Variants in FLT3 observed in about 807,000 individuals in gnomAD.
FLT3 encodes the protein receptor-type tyrosine-protein kinase FLT3.
FLT3 carries 46 observed loss-of-function variants against 126.6 expected under a neutral mutation model. That is an observed-to-expected ratio of 0.36 (90% CI 0.29 to 0.46). FLT3 has a LOEUF of 0.46. Among genes scored for constraint, FLT3 ranks in the 20% least tolerant of loss-of-function variants. FLT3 has a pLI of 1.00. For synonymous variants in FLT3, 404 were observed against 434.4 expected (o/e 0.93, Z 0.87); for missense variants, 1,069 against 1,190.3 (o/e 0.90, Z 1.50).
intron 1 of FLT3, among the ~76,000 whole-genome samples, chr13:28,079,200 G>A (rs746134993): frequency 3.3e-5 from 5 of 152,108 alleles, no homozygotes; most frequent in African/African-American, 9.7e-5. Flanking sequence ...AAATCTCTAG[G>A]ACAAGGGCAA....
At chr13:28,057,905 C>T (rs6491258) in intron 3 of FLT3, among the ~76,000 whole-genome samples, 87,253 of 151,394 alleles carry the variant, frequency 0.58, 25,393 homozygotes, top group East Asian at 0.76. Flanking sequence ...CTGAGAATGG[C>T]GCAGGCGCCT....
chr13:28,028,804 C>T (rs1344932654), intron 15 of FLT3, among the ~76,000 whole-genome samples: 1 of 125,026 alleles, frequency 8.0e-6, no homozygotes, highest in East Asian at 2.3e-4. Flanking sequence ...TTTTTTGACA[C>T]AGTATCTCAC....
At chr13:28,091,245 G>C (rs529408308) in intron 1 of FLT3, among the ~76,000 whole-genome samples, 1 of 69,154 alleles carries the variant, frequency 1.4e-5, no homozygotes, top group Non-Finnish European at 2.5e-5. Context: ...TTTTTGAGAC[G>C]GAGTCTCGCT....
At chr13:28,004,509 T>C (rs1870708076) in intron 23 of FLT3, among the ~76,000 whole-genome samples, 1 of 152,122 alleles carries the variant, frequency 6.6e-6, no homozygotes, top group Admixed American at 6.5e-5. Flanking sequence ...TCTCACTATG[T>C]TGTCCAGGGT....
In FLT3 at chr13:28,054,010, G is replaced by A. The variant is rs183253357; in HGVS notation, c.485-1336C>T. ...ATTACAGGTATGAGCCACCACACCC[G>A]GCCACAGTTTTTTGTATGATCAACC... is the stretch of plus-strand genomic sequence containing the variant. On this transcript the variant is annotated intron_variant, in intron 4 of 23. Transcript: ENST00000241453. Among the ~76,000 whole-genome samples, 137 of 152,052 alleles carry A rather than the reference G, an allele frequency of 9.0e-4. 1 individual carries two copies. The highest frequency in any genetic ancestry group is 1.0e-3 in the South Asian group (5 of 4,810).
chr13:28,070,754 T>A (rs1187508282), intron 1 of FLT3, 142 bp from the exon 2 acceptor site: 7 of 631,798 alleles, frequency 1.1e-5, no homozygotes, highest in Middle Eastern at 4.4e-4. Flanking sequence ...AATTTGATTT[T>A]ATGCAAGTTT....
At chr13:28,095,236 G>A (rs1472842770) in intron 1 of FLT3, among the ~76,000 whole-genome samples, 1 of 152,112 alleles carries the variant, frequency 6.6e-6, no homozygotes, top group East Asian at 1.9e-4. Flanking sequence ...ATACAGCACA[G>A]TGTCAAGACC....
At position 28,052,329 on chromosome 13, in the gene FLT3, CAA is replaced by C. The variant is rs563713950; in HGVS notation, c.614+214_614+215del. The stretch of plus-strand genomic sequence containing the variant: ...CAGGCTGGTCTCAAACTCCTGACCT[CAA>C]GTGATCTGTCCACCTTGGCCTCCCG... On this transcript the variant is annotated intron_variant, in intron 5 of 23. Transcript: ENST00000241453. 6.2e-3 allele frequency among the ~76,000 whole-genome samples: 945 copies of C among 151,710 alleles called. 10 individuals carry two copies. Among genetic ancestry groups the C allele is most frequent in the African/African-American group, 0.021 (872 of 41,050 alleles).
intron 23 of FLT3, among the ~76,000 whole-genome samples, chr13:28,004,719 A>T (rs1398454241): frequency 1.3e-5 from 2 of 152,244 alleles, no homozygotes; most frequent in African/African-American, 4.8e-5. Context: ...TATTCTATAT[A>T]ACTAAAAAAG....
chr13:28,032,969 T>C lies in FLT3; in HGVS notation c.1942+918A>G, dbSNP rs998307191. On this transcript the variant is annotated intron_variant, in intron 15 of 23. Transcript: ENST00000241453. ...GTAACGGTGAGGCCAGCAATGGGGC[T>C]GGACGCCAGATCGGAATGGATGGAG... is the stretch of plus-strand genomic sequence containing the variant. 9.9e-5 allele frequency among the ~76,000 whole-genome samples: 15 copies of C among 152,164 alleles called. 1 individual carries two copies. The highest frequency in any genetic ancestry group is 6.5e-4 in the Admixed American group (10 of 15,276).
rs201198776 is a variant in FLT3, at chr13:28,051,246, C to CT, written c.615-1025dup. On this transcript the variant is annotated intron_variant, in intron 5 of 23. Coordinates refer to ENST00000241453, the MANE Select transcript of FLT3 (RefSeq NM_004119.3). The stretch of plus-strand genomic sequence containing the variant: ...AGGAATTTCTTTCTTCCTTTCTTTT[C>CT]TTTTTTTTTAGATGGAGTCTCACTC... Among the ~76,000 whole-genome samples the CT allele has an allele frequency of 8.1e-3, 1,229 of 151,134 alleles. 7 individuals carry two copies. Among genetic ancestry groups the CT allele is most frequent in the East Asian group, 0.017 (86 of 5,150 alleles).
intron 9 of FLT3, among the ~76,000 whole-genome samples, chr13:28,045,985 T>C (rs1288416933): frequency 6.8e-6 from 1 of 147,988 alleles, no homozygotes; most frequent in Non-Finnish European, 1.5e-5. Flanking sequence ...AATTTGGCAG[T>C]GTCTGGAGAT....
At chr13:28,047,926 C>A (rs1236439630) in intron 9 of FLT3, among the ~76,000 whole-genome samples, 1 of 152,058 alleles carries the variant, frequency 6.6e-6, no homozygotes, top group Non-Finnish European at 1.5e-5. Flanking sequence ...CTTCCTCAAT[C>A]ATCTGCAAAT....
intron 9 of FLT3, among the ~76,000 whole-genome samples, chr13:28,043,206 T>A (rs1874540599): frequency 6.6e-6 from 1 of 150,396 alleles, no homozygotes; most frequent in Non-Finnish European, 1.5e-5. Context: ...TTTTTTCCCA[T>A]AAAAGTGGAA....
intron 9 of FLT3, among the ~76,000 whole-genome samples, chr13:28,038,340 C>A (rs6491249): frequency 0.73 from 110,155 of 151,758 alleles, 41,194 homozygotes; most frequent in East Asian, 0.87. Flanking sequence ...TGCCTTCGTG[C>A]ACTCACAGTA....
intron 23 of FLT3, among the ~76,000 whole-genome samples, chr13:28,007,527 G>A (rs539540741): frequency 8.5e-5 from 13 of 152,258 alleles, no homozygotes; most frequent in Non-Finnish European, 1.5e-4. Flanking sequence ...GATTACAGGC[G>A]TGAGCCACCA....
intron 11 of FLT3, 78 bp from the exon 12 acceptor site, chr13:28,035,751 TA>T (rs1187460735): frequency 3.5e-6 from 5 of 1,429,452 alleles, no homozygotes; most frequent in East Asian, 4.5e-5. Context: ...CAGCGAGTTC[TA>T]AAAGAGATTC....
chr13:28,039,548 CTT>C (rs10564719), intron 9 of FLT3, among the ~76,000 whole-genome samples: 66,820 of 120,094 alleles, frequency 0.56, 18,935 homozygotes, highest in East Asian at 0.7. Context: ...TGCAATAAAA[CTT>C]TTTTTTTTTT....
chr13:28,048,786 C>T (rs1003754654), intron 8 of FLT3, among the ~76,000 whole-genome samples: 3 of 152,196 alleles, frequency 2.0e-5, no homozygotes, highest in African/African-American at 7.2e-5. Context: ...AATAAAAGAG[C>T]GATCTGGCTA....
Sources: gnomAD v4.1 joint callset for allele counts (sites outside exome capture counted in the v4.1 genomes callset) on GRCh38, gnomAD v4.1.1 for gene constraint, MANE v1.5 for transcripts, NCBI Gene and HGNC (gene_info 2026-07-23, HGNC 2026-07-21) for gene names.